Variants in RAB6A observed in about 807,000 individuals in gnomAD.
RAB6A encodes RAB6A, member RAS oncogene family.
In RAB6A, 8 loss-of-function variants were observed where a neutral mutation model predicts 32.3. The ratio of observed to expected loss-of-function variants is 0.25; its 90% confidence interval spans 0.15 to 0.45. RAB6A has a LOEUF of 0.45. RAB6A is among the 20% of genes least tolerant of loss of function. The probability of loss-of-function intolerance (pLI) is 1.00; values close to 1 mark genes in which losing one functional copy is unlikely to be tolerated. For synonymous variants in RAB6A, 73 were observed against 82.1 expected (o/e 0.89, Z 0.60); for missense variants, 104 against 249.4 (o/e 0.42, Z 3.93).
intron 1 of RAB6A, among the ~76,000 whole-genome samples, chr11:73,748,602 A>G (rs1308470289): frequency 1.3e-5 from 2 of 152,198 alleles, no homozygotes; most frequent in Non-Finnish European, 2.9e-5. Context: ...ACGAGTTAAT[A>G]ATTATTAAAG....
intron 1 of RAB6A, among the ~76,000 whole-genome samples, chr11:73,736,809 G>GAAAAAAAAAAAAAAAAAAAAAA (rs756237159): frequency 9.2e-6 from 1 of 108,770 alleles, no homozygotes; most frequent in Non-Finnish European, 1.7e-5. Flanking sequence ...AAAAAAAAAA[G>GAAAAAAAAAAAAAAAAAAAAAA]AAAAAAAAAA....
At chr11:73,759,929 T>A in intron 1 of RAB6A, 1 of 867,920 alleles carries the variant, frequency 1.2e-6, no homozygotes, top group African/African-American at 1.8e-5. Flanking sequence ...GCTACCCCTT[T>A]CACCCCCAAC....
At chr11:73,759,294 C>G (rs988432499) in intron 1 of RAB6A, among the ~76,000 whole-genome samples, 1 of 151,958 alleles carries the variant, frequency 6.6e-6, no homozygotes, top group East Asian at 1.9e-4. Context: ...GTAATCATCT[C>G]TGAATTGTCG....
intron 1 of RAB6A, among the ~76,000 whole-genome samples, chr11:73,760,263 G>C (rs922610003): frequency 6.6e-6 from 1 of 152,164 alleles, no homozygotes; most frequent in African/African-American, 2.4e-5. Flanking sequence ...ACCGGAGGAA[G>C]AAAGGGATGG....
chr11:73,759,471 T>C (rs989658000), intron 1 of RAB6A, among the ~76,000 whole-genome samples: 1 of 152,196 alleles, frequency 6.6e-6, no homozygotes, highest in African/African-American at 2.4e-5. Context: ...CAGTACAGAA[T>C]ATTAAGCATA....
intron 6 of RAB6A, among the ~76,000 whole-genome samples, chr11:73,684,134 T>C (rs1046362302): frequency 1.3e-5 from 2 of 150,950 alleles, no homozygotes; most frequent in African/African-American, 4.9e-5. Flanking sequence ...TTTTTAGTAA[T>C]AAAGTATTTT....
At chr11:73,698,836 T>A (rs1945696078) in intron 6 of RAB6A, among the ~76,000 whole-genome samples, 1 of 147,966 alleles carries the variant, frequency 6.8e-6, no homozygotes, top group Admixed American at 7.2e-5. Flanking sequence ...TCAGCTCAGA[T>A]ACTTTTTTTG....
rs774583866 is a variant in RAB6A at position 73,732,825 on chromosome 11, T to C, written c.71-2002A>G. On this transcript the variant is annotated intron_variant, in intron 1 of 7. Transcript: ENST00000336083. ...TTCTCCTCAGTGATTTTCTTTTTTT[T>C]CCCCCGAGACGATGTCTTGCTCTGT... Among the ~76,000 whole-genome samples the C allele has an allele frequency of 5.6e-4, 84 of 151,298 alleles. 1 individual carries two copies. The highest frequency in any genetic ancestry group is 1.3e-3 in the South Asian group (6 of 4,668).
chr11:73,709,686 G>C (rs1945910373), intron 5 of RAB6A, among the ~76,000 whole-genome samples: 1 of 149,576 alleles, frequency 6.7e-6, no homozygotes, highest in Non-Finnish European at 1.5e-5. Flanking sequence ...TCTTCAAGTA[G>C]CCCTGGTTCC....
chr11:73,760,238 C>A (rs1364547178), intron 1 of RAB6A: 13 of 729,324 alleles, frequency 1.8e-5, no homozygotes, highest in Non-Finnish European at 2.7e-5. Context: ...GGCCGGGGTA[C>A]GGGCAATGAC....
At chr11:73,708,790 T>C (rs1945892234) in intron 5 of RAB6A, among the ~76,000 whole-genome samples, 1 of 152,198 alleles carries the variant, frequency 6.6e-6, no homozygotes, top group Non-Finnish European at 1.5e-5. Flanking sequence ...CAAGCTTCCA[T>C]TTACTTGCAA....
chr11:73,693,117 G>A (rs1480701026), intron 6 of RAB6A, among the ~76,000 whole-genome samples: 2 of 151,596 alleles, frequency 1.3e-5, no homozygotes, highest in Admixed American at 1.3e-4. Flanking sequence ...GTGAAACTCC[G>A]TCTCTACTAA....
At chr11:73,732,091 A>G (rs1946324911) in intron 1 of RAB6A, among the ~76,000 whole-genome samples, 1 of 152,076 alleles carries the variant, frequency 6.6e-6, no homozygotes. Context: ...GGTCAAAAGT[A>G]GTGGAATGCT....
intron 6 of RAB6A, among the ~76,000 whole-genome samples, chr11:73,706,996 TA>T (rs1945856336): frequency 6.6e-6 from 1 of 151,798 alleles, no homozygotes; most frequent in Non-Finnish European, 1.5e-5. Context: ...CGCATGCCAG[TA>T]ATCCCAGCTA....
intron 1 of RAB6A, among the ~76,000 whole-genome samples, chr11:73,731,601 C>G (rs912452477): frequency 1.4e-5 from 2 of 147,404 alleles, no homozygotes; most frequent in South Asian, 4.3e-4. Context: ...ATTTCAAAAC[C>G]AGATAGAACT....
intron 1 of RAB6A, among the ~76,000 whole-genome samples, chr11:73,758,705 T>C (rs1946797676): frequency 6.6e-6 from 1 of 152,116 alleles, no homozygotes; most frequent in South Asian, 2.1e-4. Context: ...ATGAATAGGT[T>C]TTTTCATGCA....
intron 6 of RAB6A, among the ~76,000 whole-genome samples, chr11:73,682,269 G>A (rs1945370728): frequency 6.6e-6 from 1 of 152,054 alleles, no homozygotes; most frequent in South Asian, 2.1e-4. Flanking sequence ...TGAGACCACT[G>A]GCAACACAGA....
intron 2 of RAB6A, among the ~76,000 whole-genome samples, chr11:73,727,081 G>T (rs1946234589): frequency 6.6e-6 from 1 of 152,116 alleles, no homozygotes; most frequent in South Asian, 2.1e-4. Context: ...TTCAAAGAAA[G>T]AAATAAAACA....
chr11:73,696,942 C>A (rs1945664591), intron 6 of RAB6A, among the ~76,000 whole-genome samples: 1 of 152,028 alleles, frequency 6.6e-6, no homozygotes, highest in Non-Finnish European at 1.5e-5. Context: ...CCTGTCAAAT[C>A]TCTCATGAAA....
Sources: gnomAD v4.1 joint callset for allele counts (sites outside exome capture counted in the v4.1 genomes callset) on GRCh38, gnomAD v4.1.1 for gene constraint, MANE v1.5 for transcripts, NCBI Gene and HGNC (gene_info 2026-07-23, HGNC 2026-07-21) for gene names.